CCDC6: variants seen among roughly 807,000 people sequenced by gnomAD.
The protein encoded by CCDC6 is coiled-coil domain containing 6.
A neutral mutation model predicts 56.6 loss-of-function variants in CCDC6; 20 were observed. That is an observed-to-expected ratio of 0.35 (90% CI 0.25 to 0.51). The LOEUF (loss-of-function observed/expected upper bound fraction) is 0.51, where lower values mean the gene tolerates loss of function less well. CCDC6 is among the 20% of genes least tolerant of loss of function. The pLI is 0.95. For missense variants in CCDC6, 367 were observed against 601.1 expected (o/e 0.61, Z 4.07); for synonymous variants, 241 against 234.4 (o/e 1.03, Z -0.26).
chr10:59,863,852 A>G (rs2071155331), intron 1 of CCDC6, among the ~76,000 whole-genome samples: 1 of 152,222 alleles, frequency 6.6e-6, no homozygotes, highest in Non-Finnish European at 1.5e-5. Flanking sequence ...CTAACTTTAC[A>G]TCACTATAAC....
rs56232975 is a variant in CCDC6, at chr10:59,844,746, CAAAAA to C, written c.453+7802_453+7806del. ...CAGCCTGGGCAACAGAGACTATCTC[CAAAAA>C]AAAAAAAAAAAAGAGAGAGAGAGAG... On this transcript the variant is annotated intron_variant, in intron 2 of 8. Coordinates refer to ENST00000263102, the MANE Select transcript of CCDC6 (RefSeq NM_005436.5). Among the ~76,000 whole-genome samples the C allele has an allele frequency of 8.9e-3, 1,107 of 124,552 alleles. 16 individuals are homozygous for C. The highest frequency in any genetic ancestry group is 0.029 in the African/African-American group (1,041 of 36,294). The allele number at this position is 124,552 out of a possible 152,430, so 81.7% of individuals were successfully genotyped here. A position where few individuals can be genotyped will look rare whatever the true frequency, so the allele number is the denominator to read the frequency against.
Position 59,789,152 on chromosome 10 carries a change from C to A in CCDC6, c.*3765G>T. The A allele has an allele frequency of 4.3e-6, 1 of 229,928 alleles. No individual in the cohort carries two copies. The highest frequency in any genetic ancestry group is 8.6e-6 in the Non-Finnish European group (1 of 115,830). The allele number at this position is 229,928 out of a possible 1,614,324, so 14.2% of individuals were successfully genotyped here. A position where few individuals can be genotyped will look rare whatever the true frequency, so the allele number is the denominator to read the frequency against. On this transcript the variant is annotated 3_prime_UTR_variant, in exon 9 of 9. Coordinates refer to ENST00000263102, the MANE Select transcript of CCDC6 (RefSeq NM_005436.5). ...ATGCATTCTTAAACTGTTGTGCCTG[C>A]AACTTTGTTTTTGCCAGGATGAAGT...
At chr10:59,806,747 T>C (rs770230655) in intron 6 of CCDC6, 175 bp downstream of exon 6, 1 of 470,308 alleles carries the variant, frequency 2.1e-6, no homozygotes, top group Non-Finnish European at 3.7e-6. Context: ...TTAAGGAAAA[T>C]GTTCAATCTT....
At chr10:59,883,445 C>T (rs545442277) in intron 1 of CCDC6, among the ~76,000 whole-genome samples, 1 of 152,196 alleles carries the variant, frequency 6.6e-6, no homozygotes, top group Admixed American at 6.5e-5. Flanking sequence ...ATACAAGAAG[C>T]AATGCTAATA....
At chr10:59,797,016 C>A (rs112830372) in intron 7 of CCDC6, among the ~76,000 whole-genome samples, 1 of 150,468 alleles carries the variant, frequency 6.6e-6, no homozygotes, top group African/African-American at 2.4e-5. Flanking sequence ...TGTCCATCAA[C>A]GGATGAGCAG....
chr10:59,848,224 T>G (rs1193781461), intron 2 of CCDC6, among the ~76,000 whole-genome samples: 2 of 152,236 alleles, frequency 1.3e-5, no homozygotes, highest in African/African-American at 2.4e-5. Context: ...TTCTTACTTG[T>G]TCTTAACTAA....
At chr10:59,904,960 T>G (rs866536917) in intron 1 of CCDC6, among the ~76,000 whole-genome samples, 1 of 152,226 alleles carries the variant, frequency 6.6e-6, no homozygotes, top group Non-Finnish European at 1.5e-5. Flanking sequence ...GGTGTGACCC[T>G]CTATCCCCAA....
chr10:59,889,822 T>C (rs2071408595), intron 1 of CCDC6, among the ~76,000 whole-genome samples: 1 of 152,184 alleles, frequency 6.6e-6, no homozygotes, highest in Non-Finnish European at 1.5e-5. Context: ...TGGGCTCTGA[T>C]GGCACTACCT....
rs1423824031 is a variant in CCDC6, at chr10:59,862,568, CAT to C, written c.304-9868_304-9867del. Among the ~76,000 whole-genome samples the C allele has an allele frequency of 9.8e-3, 1,346 of 137,500 alleles. 70 individuals carry two copies. Among genetic ancestry groups the C allele is most frequent in the African/African-American group, 0.036 (1,172 of 32,606 alleles). The allele number at this position is 137,500 out of a possible 152,430, so 90.2% of individuals were successfully genotyped here. A position where few individuals can be genotyped will look rare whatever the true frequency, so the allele number is the denominator to read the frequency against. ...ACACACACACACACATATATATACA[CAT>C]ACACACACACACACATATATAAAAC... On this transcript the variant is annotated intron_variant, in intron 1 of 8. Transcript: ENST00000263102.
intron 2 of CCDC6, among the ~76,000 whole-genome samples, chr10:59,843,794 C>T (rs1433909065): frequency 6.6e-6 from 1 of 152,180 alleles, no homozygotes; most frequent in East Asian, 1.9e-4. Context: ...CTCTCATTTA[C>T]CCAGCTGATG....
chr10:59,834,955 G>T (rs1342780501), intron 2 of CCDC6, among the ~76,000 whole-genome samples: 1 of 152,210 alleles, frequency 6.6e-6, no homozygotes, highest in Non-Finnish European at 1.5e-5. Flanking sequence ...GTGCTGTGCT[G>T]TCTTCTATCT....
Position 59,806,909 on chromosome 10 carries a change from G to A in CCDC6, c.1004+13C>T. ...TTTTAAACAAAAACAAGGCTCATAA[G>A]ACATGCACACACCTTTCGTCGTCCA... On this transcript the variant is annotated intron_variant, in intron 6 of 8. Coordinates refer to ENST00000263102, the MANE Select transcript of CCDC6 (RefSeq NM_005436.5). 1 of 1,611,724 alleles carries A rather than the reference G, an allele frequency of 6.2e-7. No individual in the cohort carries two copies. Among genetic ancestry groups the A allele is most frequent in the African/African-American group, 1.3e-5 (1 of 74,760 alleles).
At chr10:59,883,303 C>A (rs2071359693) in intron 1 of CCDC6, among the ~76,000 whole-genome samples, 6 of 152,086 alleles carry the variant, frequency 3.9e-5, no homozygotes, top group Admixed American at 3.9e-4. Context: ...GGACAGGGAA[C>A]AAGGAAAGGA....
chr10:59,871,338 G>A (rs1486762326), intron 1 of CCDC6, among the ~76,000 whole-genome samples: 3 of 151,790 alleles, frequency 2.0e-5, no homozygotes, highest in Non-Finnish European at 2.9e-5. Context: ...ACTCAAGTAC[G>A]TAAAAATAAA....
intron 2 of CCDC6, among the ~76,000 whole-genome samples, chr10:59,849,541 T>A (rs2071020713): frequency 6.6e-6 from 1 of 152,180 alleles, no homozygotes; most frequent in African/African-American, 2.4e-5. Flanking sequence ...GTTCTCAGGA[T>A]CAAAAAATCC....
At chr10:59,858,428 A>T (rs1053980923) in intron 1 of CCDC6, among the ~76,000 whole-genome samples, 8 of 152,204 alleles carry the variant, frequency 5.3e-5, no homozygotes, top group African/African-American at 1.9e-4. Flanking sequence ...TGGCAAATGC[A>T]CTAATTCTGC....
chr10:59,885,202 T>C lies in CCDC6; in HGVS notation c.303+20920A>G, dbSNP rs558381150. Among the ~76,000 whole-genome samples the C allele has an allele frequency of 1.1e-3, 168 of 152,194 alleles. 1 individual carries two copies. The highest frequency in any genetic ancestry group is 4.0e-3 in the African/African-American group (165 of 41,528). ...ATCTAGTTTGGATACATTTGTTATA[T>C]CTACAATACTTCCATCTTCATTCTT... On this transcript the variant is annotated intron_variant, in intron 1 of 8. Transcript: ENST00000263102.
intron 3 of CCDC6, among the ~76,000 whole-genome samples, chr10:59,830,248 T>C (rs755430496): frequency 4.6e-5 from 7 of 152,178 alleles, no homozygotes; most frequent in African/African-American, 9.7e-5. Context: ...GACAATAATA[T>C]AGAGTACAGG....
intron 1 of CCDC6, among the ~76,000 whole-genome samples, chr10:59,877,991 G>C (rs537825232): frequency 2.0e-5 from 3 of 152,200 alleles, no homozygotes; most frequent in Non-Finnish European, 4.4e-5. Flanking sequence ...AAAGTGTTAA[G>C]AGGGTACACA....
Sources: allele counts gnomAD v4.1 joint callset (sites outside exome capture counted in the v4.1 genomes callset), GRCh38; gene constraint gnomAD v4.1.1; transcripts MANE v1.5; gene names NCBI Gene and HGNC (gene_info 2026-07-23, HGNC 2026-07-21).